NRROS: variants seen among roughly 807,000 people sequenced by gnomAD.
NRROS encodes transforming growth factor beta activator LRRC33.
A neutral mutation model predicts 12.0 loss-of-function variants in NRROS; 6 were observed. The observed-to-expected ratio is 0.50, with a 90% CI of 0.27 to 0.98. The LOEUF is 0.98. Ranked by LOEUF, NRROS falls within the 50% of genes least tolerant of loss-of-function variation. NRROS has a pLI of 0.11. For missense variants in NRROS, 857 were observed against 888.2 expected, an observed-to-expected ratio of 0.96 and a Z score of 0.45; for synonymous variants, 462 against 410.2, an observed-to-expected ratio of 1.13 and a Z score of -1.53.
rs78670696 is a variant in NRROS, at chr3:196,661,531, G to A, written c.1888G>A (p.Val630Met). 2.5e-3 allele frequency: 3,984 copies of A among 1,613,774 alleles called. 92 individuals are homozygous for A. The African/African-American group carries it at 0.047, about 19-fold the overall frequency. Residue 630 changes from valine to methionine, a missense_variant, in exon 3 of 3, where the codon GTG becomes ATG. By Grantham distance (21) the Val-to-Met change is conservative. Transcript: ENST00000328557. ...CAACCTCTCCTCCAAGATCATCCGCGTGACGGAGCTGCCCGGAGGTGTGCC... is the reference window on the plus strand; with the variant it reads ...CAACCTCTCCTCCAAGATCATCCGCATGACGGAGCTGCCCGGAGGTGTGCC... ...TCNLSSKIIRVTELPGGVPRD... is the reference protein window; with the variant it reads ...TCNLSSKIIRMTELPGGVPRD...
intron 2 of NRROS, 116 bp from the exon 3 acceptor site, chr3:196,659,636 T>C: frequency 1.4e-5 from 15 of 1,068,868 alleles, no homozygotes; most frequent in Non-Finnish European, 1.9e-5. Context: ...AAAATGAACA[T>C]CTCTAGAGCC....
chr3:196,649,029 CCT>C (rs992101240), intron 1 of NRROS, among the ~76,000 whole-genome samples: 1 of 152,146 alleles, frequency 6.6e-6, no homozygotes, highest in African/African-American at 2.4e-5. Flanking sequence ...AGGACAGTAC[CCT>C]GTTTCCTAAG....
intron 2 of NRROS, among the ~76,000 whole-genome samples, chr3:196,655,259 G>A (rs990708710): frequency 6.7e-6 from 1 of 148,226 alleles, no homozygotes; most frequent in South Asian, 2.1e-4. Context: ...AAAAAGCCAG[G>A]CGCGGTGGCT....
intron 2 of NRROS, among the ~76,000 whole-genome samples, chr3:196,658,196 G>A (rs760074351): frequency 4.0e-4 from 61 of 152,314 alleles, no homozygotes; most frequent in Admixed American, 1.5e-3. Flanking sequence ...CAATAAGTCC[G>A]TCATACTTTA....
In NRROS at chr3:196,661,105, A is replaced by T; in HGVS notation, c.1462A>T (p.Thr488Ser). Reference protein sequence around the residue: ...PDCPFQGTSLTYLDLSSNWGV... With the variant: ...PDCPFQGTSLSYLDLSSNWGV... ...CTGCCCATTCCAAGGGACCTCCCTG[A>T]CCTACTTAGACCTCTCAAGCAACTG... The change falls in exon 3 of 3, where the codon ACC becomes TCC. Residue 488 changes from threonine (T) to serine (S), a missense_variant. Thr to Ser is a moderately conservative substitution (Grantham distance 58, BLOSUM62 1). Coordinates refer to ENST00000328557, the MANE Select transcript of NRROS (RefSeq NM_198565.3). 1.2e-6 allele frequency: 2 copies of T among 1,613,752 alleles called. No individual in the cohort carries two copies. The highest frequency in any genetic ancestry group is 1.7e-6 in the Non-Finnish European group (2 of 1,179,756).
At chr3:196,647,747 C>T (rs772996727) in intron 1 of NRROS, among the ~76,000 whole-genome samples, 10 of 152,162 alleles carry the variant, frequency 6.6e-5, no homozygotes, top group Non-Finnish European at 1.2e-4. Context: ...TTAGTAGAGA[C>T]GGGGTTTCAC....
At chr3:196,648,957 A>G (rs1737361117) in intron 1 of NRROS, among the ~76,000 whole-genome samples, 1 of 151,990 alleles carries the variant, frequency 6.6e-6, no homozygotes, top group African/African-American at 2.4e-5. Context: ...TACAGCCCAG[A>G]TCTGTCAGAG....
At position 196,661,130 on chromosome 3, in the gene NRROS, G is replaced by C. The variant is rs1377274458; in HGVS notation, c.1487G>C (p.Trp496Ser). Residue 496 changes from tryptophan (W) to serine (S), a missense_variant, in exon 3 of 3, where the codon TGG becomes TCG. Trp to Ser is a radical substitution (Grantham distance 177). Coordinates refer to ENST00000328557, the MANE Select transcript of NRROS (RefSeq NM_198565.3). ...SLTYLDLSSNWGVLNGSLAPL... is the reference protein window; with the variant it reads ...SLTYLDLSSNSGVLNGSLAPL... ...ACCTACTTAGACCTCTCAAGCAACT[G>C]GGGGGTTCTGAATGGGAGCCTCGCC... is the stretch of plus-strand genomic sequence containing the variant. 1 of 1,613,178 alleles carries C rather than the reference G, an allele frequency of 6.2e-7. No individual in the cohort carries two copies. The highest frequency in any genetic ancestry group is 1.7e-5 in the Admixed American group (1 of 59,964).
intron 1 of NRROS, among the ~76,000 whole-genome samples, chr3:196,651,956 G>C (rs1440991970): frequency 6.6e-6 from 1 of 152,128 alleles, no homozygotes; most frequent in African/African-American, 2.4e-5. Context: ...TAAACCAGCA[G>C]AGTTTGTGAC....
At chr3:196,643,755 G>A (rs1451443998) in intron 1 of NRROS, among the ~76,000 whole-genome samples, 1 of 152,172 alleles carries the variant, frequency 6.6e-6, no homozygotes, top group Non-Finnish European at 1.5e-5. Flanking sequence ...CCTCCCTACT[G>A]TCATTCACTC....
rs149542604 is a variant in NRROS, at chr3:196,653,759, A to G, written c.-13-768A>G. On this transcript the variant is annotated intron_variant, in intron 1 of 2. Coordinates refer to ENST00000328557, the MANE Select transcript of NRROS (RefSeq NM_198565.3). ...TGTTCACCTGGCAAATGTGATGAGT[A>G]TATTGCATTTCCCTTATGGCTCCCC... is the stretch of plus-strand genomic sequence containing the variant. Among the ~76,000 whole-genome samples the G allele has an allele frequency of 3.1e-3, 477 of 152,284 alleles. 4 individuals carry two copies. The highest frequency in any genetic ancestry group is 0.011 in the African/African-American group (453 of 41,552).
At chr3:196,657,877 T>A (rs550330254) in intron 2 of NRROS, among the ~76,000 whole-genome samples, 2 of 152,192 alleles carry the variant, frequency 1.3e-5, no homozygotes, top group African/African-American at 4.8e-5. Flanking sequence ...TAGGAGATGA[T>A]TAATTAGATC....
chr3:196,645,174 C>G (rs1165618206), intron 1 of NRROS, among the ~76,000 whole-genome samples: 3 of 152,168 alleles, frequency 2.0e-5, no homozygotes, highest in Non-Finnish European at 4.4e-5. Flanking sequence ...TTGCTCCACT[C>G]AACTTTTAGC....
Position 196,659,979 on chromosome 3 carries a change from G to A in NRROS, c.336G>A (p.Leu112=), listed in dbSNP as rs374891867. 3 of 1,613,636 alleles carry A rather than the reference G, an allele frequency of 1.9e-6. No homozygotes were observed. The highest frequency in any genetic ancestry group is 2.5e-6 in the Non-Finnish European group (3 of 1,179,872). The stretch of plus-strand genomic sequence containing the variant: ...AAGGTCACCTGCGCAGCCTGGTCCT[G>A]GGGGACAACTGCCTCTCAGAGAACT... ...QEQGHLRSLV[L]GDNCLSENYE... Residue 112 remains leucine (L), a synonymous_variant, in exon 3 of 3, where the codon CTG becomes CTA. Transcript: ENST00000328557.
chr3:196,661,284 C>G lies in NRROS; in HGVS notation c.1641C>G (p.Cys547Trp). The change falls in exon 3 of 3, where the codon TGC (cysteine) becomes TGG (tryptophan). Residue 547 changes from cysteine (C) to tryptophan (W), a missense_variant. Coordinates refer to ENST00000328557, the MANE Select transcript of NRROS (RefSeq NM_198565.3). ...NLRDLDLSGN[C>W]LTTFPRFGGS... ...GGGACTTAGATCTGTCGGGGAATTG[C>G]TTGACCACCTTCCCAAGGTTTGGGG... 6.2e-7 allele frequency: 1 copy of G among 1,612,330 alleles called. No individual in the cohort carries two copies. The highest frequency in any genetic ancestry group is 8.5e-7 in the Non-Finnish European group (1 of 1,179,068).
rs562864396 is a variant in NRROS, at chr3:196,661,872, C to T, written c.*150C>T. On this transcript the variant is annotated 3_prime_UTR_variant, in exon 3 of 3. Transcript: ENST00000328557. Reference sequence around the variant, plus strand: ...TTTCCATTCCTCATCGCCCACCCCACCCCCGCCCCCACCACCGCCCAAGTT... The same window carrying T: ...TTTCCATTCCTCATCGCCCACCCCATCCCCGCCCCCACCACCGCCCAAGTT... 125 of 533,214 alleles carry T rather than the reference C, an allele frequency of 2.3e-4. No homozygotes were observed. Among genetic ancestry groups the T allele is most frequent in the African/African-American group, 2.1e-3 (107 of 51,214 alleles). 33.0% of individuals were successfully genotyped at this position (533,214 alleles called of 1,614,324 possible). A position where few individuals can be genotyped will look rare whatever the true frequency, so the allele number is the denominator to read the frequency against.
intron 1 of NRROS, among the ~76,000 whole-genome samples, chr3:196,645,664 C>T (rs937475153): frequency 2.0e-5 from 3 of 152,208 alleles, no homozygotes; most frequent in South Asian, 2.1e-4. Context: ...CATATGCTTT[C>T]GTTCTTCAAT....
In NRROS at chr3:196,661,798, T is replaced by C; in HGVS notation, c.*76T>C. On this transcript the variant is annotated 3_prime_UTR_variant, in exon 3 of 3. Coordinates refer to ENST00000328557, the MANE Select transcript of NRROS (RefSeq NM_198565.3). ...TTCTCTGCCAGCTTTCAAGATGTGA[T>C]GCAGAGGCCAAGTCTGACGAATTGA... The C allele has an allele frequency of 7.8e-7, 1 of 1,283,790 alleles. No homozygotes were observed. The highest frequency in any genetic ancestry group is 1.4e-5 in the South Asian group (1 of 70,106). 79.5% of individuals were successfully genotyped at this position (1,283,790 alleles called of 1,614,324 possible).
intron 1 of NRROS, among the ~76,000 whole-genome samples, chr3:196,641,211 A>T (rs528769156): frequency 2.0e-5 from 3 of 151,946 alleles, no homozygotes; most frequent in African/African-American, 4.8e-5. Context: ...AAAAATATAT[A>T]TATTTATTTA....
Sources: allele counts gnomAD v4.1 joint callset (sites outside exome capture counted in the v4.1 genomes callset), GRCh38; gene constraint gnomAD v4.1.1; transcripts MANE v1.5; gene names NCBI Gene and HGNC (gene_info 2026-07-23, HGNC 2026-07-21).